The following ALG14 variants were observed in gnomAD, a reference collection of about 807,000 sequenced individuals.
ALG14 encodes ALG14 UDP-N-acetylglucosaminyltransferase subunit.
Under a neutral mutation model 22.8 loss-of-function variants are expected in ALG14, and 17 were observed. The observed-to-expected ratio is 0.75, with a 90% CI of 0.51 to 1.12. ALG14 has a LOEUF of 1.12. Ranked by LOEUF, ALG14 falls within the 50% of genes most tolerant of loss-of-function variation. ALG14 has a pLI of 0.00. For synonymous variants in ALG14, 89 were observed against 103.7 expected (o/e 0.86, Z 0.86); for missense variants, 288 against 271.8 (o/e 1.06, Z -0.42).
chr1:95,016,357 A>G (rs1252202092), intron 3 of ALG14, among the ~76,000 whole-genome samples: 1 of 152,162 alleles, frequency 6.6e-6, no homozygotes, highest in Non-Finnish European at 1.5e-5. Context: ...AACTTTAAAA[A>G]TAGGGTATAT....
intron 3 of ALG14, among the ~76,000 whole-genome samples, chr1:94,984,710 C>T (rs1259461742): frequency 6.6e-6 from 1 of 152,118 alleles, no homozygotes; most frequent in Non-Finnish European, 1.5e-5. Flanking sequence ...TCATAGTCCC[C>T]CAAGGCAGTG....
chr1:95,026,605 C>G (rs1673826433), intron 3 of ALG14, among the ~76,000 whole-genome samples: 1 of 151,820 alleles, frequency 6.6e-6, no homozygotes, highest in Non-Finnish European at 1.5e-5. Context: ...TCACACTGTC[C>G]CCAAACAATT....
chr1:95,018,233 C>A (rs2100758419), intron 3 of ALG14, among the ~76,000 whole-genome samples: 1 of 151,992 alleles, frequency 6.6e-6, no homozygotes, highest in South Asian at 2.1e-4. Flanking sequence ...CTCAATGAAA[C>A]CTATAAAGAA....
chr1:95,066,681 A>G (rs1302743919), intron 1 of ALG14, among the ~76,000 whole-genome samples: 1 of 152,194 alleles, frequency 6.6e-6, no homozygotes, highest in Non-Finnish European at 1.5e-5. Context: ...ACTGGGGCAT[A>G]TAATTTACAC....
chr1:95,064,156 C>T (rs1675268994), intron 2 of ALG14, among the ~76,000 whole-genome samples: 2 of 152,254 alleles, frequency 1.3e-5, no homozygotes, highest in East Asian at 3.9e-4. Flanking sequence ...GCTAAAGTTG[C>T]TTATCAGCTT....
intron 2 of ALG14, among the ~76,000 whole-genome samples, chr1:95,057,717 A>G (rs1674985941): frequency 6.6e-6 from 1 of 151,670 alleles, no homozygotes; most frequent in African/African-American, 2.4e-5. Flanking sequence ...ACAAGTAGAA[A>G]AAAGAGAAGA....
At chr1:95,052,248 A>T (rs1047533789) in intron 2 of ALG14, among the ~76,000 whole-genome samples, 2 of 152,234 alleles carry the variant, frequency 1.3e-5, no homozygotes, top group Admixed American at 1.3e-4. Flanking sequence ...ATCCAAAAAA[A>T]CAAGTAGGAT....
At chr1:95,049,629 T>A (rs537622521) in intron 2 of ALG14, among the ~76,000 whole-genome samples, 64 of 152,260 alleles carry the variant, frequency 4.2e-4, no homozygotes, top group Non-Finnish European at 8.1e-4. Context: ...CCAGCACTTT[T>A]GGGAAGCTGA....
intron 2 of ALG14, among the ~76,000 whole-genome samples, chr1:95,029,693 T>A (rs1673936417): frequency 6.6e-6 from 1 of 152,220 alleles, no homozygotes; most frequent in Non-Finnish European, 1.5e-5. Context: ...AAATTGTGTT[T>A]GGAGGCTTCT....
At chr1:95,011,789 A>G (rs1033090105) in intron 3 of ALG14, among the ~76,000 whole-genome samples, 1 of 152,212 alleles carries the variant, frequency 6.6e-6, no homozygotes, top group East Asian at 1.9e-4. Flanking sequence ...AGACTTCCAT[A>G]TAGAACAGGA....
chr1:95,060,714 T>TAA (rs931484737), intron 2 of ALG14, among the ~76,000 whole-genome samples: 1 of 149,556 alleles, frequency 6.7e-6, no homozygotes, highest in African/African-American at 2.5e-5. Flanking sequence ...AGACTCTGTT[T>TAA]AAAAAAAAAA....
Position 95,027,276 on chromosome 1 carries a change from T to C in ALG14, c.289-16A>G. On this transcript the variant is annotated splice_polypyrimidine_tract_variant and intron_variant, in intron 2 of 3. Transcript: ENST00000370205. ...ATTTGGTATACTAGAAGGAAACAGA[T>C]GGAATCCAAATCAACTGAGTCACTG... The C allele has an allele frequency of 6.2e-7, 1 of 1,613,380 alleles. No homozygotes were observed. Among genetic ancestry groups the C allele is most frequent in the Non-Finnish European group, 8.5e-7 (1 of 1,179,430 alleles).
chr1:94,992,777 G>A (rs987602038), intron 3 of ALG14, among the ~76,000 whole-genome samples: 1 of 152,044 alleles, frequency 6.6e-6, no homozygotes, highest in Admixed American at 6.6e-5. Context: ...GAGAATGTTA[G>A]GGATGGGGAA....
chr1:95,068,013 C>A (rs994512673), intron 1 of ALG14, among the ~76,000 whole-genome samples: 2 of 152,128 alleles, frequency 1.3e-5, no homozygotes. Context: ...ATGCCCCTTC[C>A]CCAAATCGTA....
intron 2 of ALG14, among the ~76,000 whole-genome samples, chr1:95,038,634 T>G (rs112692356): frequency 0.018 from 2,747 of 150,276 alleles, 89 homozygotes; most frequent in African/African-American, 0.065. Flanking sequence ...TGAGCCAAGA[T>G]TGCACCACTG....
intron 2 of ALG14, among the ~76,000 whole-genome samples, chr1:95,049,166 A>G (rs1351527895): frequency 1.3e-5 from 2 of 152,224 alleles, no homozygotes; most frequent in African/African-American, 2.4e-5. Flanking sequence ...ATAGGTAAAT[A>G]CCAACATTAA....
chr1:95,064,830 C>A, intron 2 of ALG14, 36 bp downstream of exon 2: 3 of 1,589,726 alleles, frequency 1.9e-6, no homozygotes, highest in Non-Finnish European at 2.6e-6. Context: ...CAATGTGCAA[C>A]TTGTAATTTT....
At chr1:95,068,991 C>A (rs1028249238) in intron 1 of ALG14, among the ~76,000 whole-genome samples, 2 of 152,194 alleles carry the variant, frequency 1.3e-5, no homozygotes, top group African/African-American at 2.4e-5. Flanking sequence ...CATCTGAATG[C>A]GATTGCTTTT....
intron 3 of ALG14, among the ~76,000 whole-genome samples, chr1:95,006,515 GA>G (rs1673225640): frequency 6.6e-6 from 1 of 152,210 alleles, no homozygotes; most frequent in Non-Finnish European, 1.5e-5. Flanking sequence ...GAACCAGGAA[GA>G]GAGATTATTG....
Sources: gnomAD v4.1 joint callset for allele counts (sites outside exome capture counted in the v4.1 genomes callset) on GRCh38, gnomAD v4.1.1 for gene constraint, MANE v1.5 for transcripts, NCBI Gene and HGNC (gene_info 2026-07-23, HGNC 2026-07-21) for gene names.